Variants in SIK3 observed in about 807,000 individuals in gnomAD.
SIK3 encodes SIK family kinase 3.
Under a neutral mutation model 144.2 loss-of-function variants are expected in SIK3, and 28 were observed. The observed-to-expected ratio is 0.19, with a 90% confidence interval of 0.14 to 0.27. The LOEUF is 0.27. Among genes scored for constraint, SIK3 ranks in the 10% least tolerant of loss-of-function variants. The pLI is 1.00. For synonymous variants in SIK3, 686 were observed against 676.3 expected (o/e 1.01, Z -0.22); for missense variants, 1,319 against 1,776.0 (o/e 0.74, Z 4.62).
In SIK3 at chr11:117,097,995, G is replaced by T. The variant is rs915274879; in HGVS notation, c.273+148C>A. 56 of 1,101,486 alleles carry T rather than the reference G, an allele frequency of 5.1e-5. No homozygotes were observed. The African/African-American group carries it at 8.5e-4, about 17-fold the overall frequency. The allele number at this position is 1,101,486 out of a possible 1,614,324, so 68.2% of individuals were successfully genotyped here. On this transcript the variant is annotated intron_variant, in intron 1 of 24. Transcript: ENST00000445177. Reference sequence around the variant, plus strand: ...CCCAGGTGTCCCTAGCTCCGCGCCCGCCCCGCCGCGGCTGGCTCCCTCCCG... The same window carrying T: ...CCCAGGTGTCCCTAGCTCCGCGCCCTCCCCGCCGCGGCTGGCTCCCTCCCG...
intron 1 of SIK3, among the ~76,000 whole-genome samples, chr11:116,993,081 C>T (rs539563858): frequency 6.6e-6 from 1 of 152,222 alleles, no homozygotes; most frequent in African/African-American, 2.4e-5. Context: ...TAAACAGAGT[C>T]TCACTATGTT....
chr11:116,876,504 C>T (rs1039074315), intron 7 of SIK3, 141 bp from the exon 8 acceptor site: 1 of 706,738 alleles, frequency 1.4e-6, no homozygotes, highest in African/African-American at 1.8e-5. Flanking sequence ...GAAGAGAGCC[C>T]TGAGTGATCA....
At chr11:116,897,463 A>C in intron 4 of SIK3, 146 bp from the exon 5 acceptor site, 1 of 689,534 alleles carries the variant, frequency 1.5e-6, no homozygotes, top group Non-Finnish European at 2.4e-6. Flanking sequence ...ATAGCCAGAC[A>C]CTTAAAACAA....
intron 1 of SIK3, among the ~76,000 whole-genome samples, chr11:117,021,812 A>C (rs753465197): frequency 6.6e-6 from 1 of 151,650 alleles, no homozygotes; most frequent in Non-Finnish European, 1.5e-5. Context: ...GAATAAAATA[A>C]AATAAATCTG....
chr11:117,073,384 TCTA>T (rs1452834599), intron 1 of SIK3, among the ~76,000 whole-genome samples: 1 of 152,184 alleles, frequency 6.6e-6, no homozygotes, highest in African/African-American at 2.4e-5. Context: ...TGATTAGAAT[TCTA>T]CTGTCCAATT....
intron 1 of SIK3, among the ~76,000 whole-genome samples, chr11:116,974,396 A>G (rs1324854985): frequency 1.3e-5 from 2 of 152,136 alleles, no homozygotes; most frequent in Non-Finnish European, 2.9e-5. Context: ...CATATAAAGA[A>G]CACTTTGGAA....
At chr11:116,972,752 G>C (rs2135473944) in intron 1 of SIK3, among the ~76,000 whole-genome samples, 1 of 152,154 alleles carries the variant, frequency 6.6e-6, no homozygotes, top group Middle Eastern at 3.4e-3. Context: ...TATTCTGTGT[G>C]ACAAACAGAC....
At chr11:116,984,511 C>A (rs1950260538) in intron 1 of SIK3, among the ~76,000 whole-genome samples, 1 of 152,154 alleles carries the variant, frequency 6.6e-6, no homozygotes, top group Admixed American at 6.5e-5. Context: ...TAGCAGATGT[C>A]AGAATTTGCT....
At chr11:116,963,545 A>G (rs1949422126) in intron 1 of SIK3, among the ~76,000 whole-genome samples, 1 of 152,234 alleles carries the variant, frequency 6.6e-6, no homozygotes. Flanking sequence ...ACTATGAATG[A>G]AAAGTGAAAA....
chr11:117,086,469 A>T (rs1192553597), intron 1 of SIK3, among the ~76,000 whole-genome samples: 1 of 152,156 alleles, frequency 6.6e-6, no homozygotes, highest in African/African-American at 2.4e-5. Flanking sequence ...AGGCGAGTGG[A>T]TCACGAGGTA....
chr11:117,048,731 C>G (rs932103549), intron 1 of SIK3, among the ~76,000 whole-genome samples: 1 of 152,022 alleles, frequency 6.6e-6, no homozygotes, highest in Admixed American at 6.6e-5. Flanking sequence ...AAGGTCTATG[C>G]GGTACATATC....
chr11:117,063,425 T>A (rs1953886237), intron 1 of SIK3, among the ~76,000 whole-genome samples: 1 of 152,160 alleles, frequency 6.6e-6, no homozygotes, highest in Non-Finnish European at 1.5e-5. Context: ...CTCTGCCCAA[T>A]GTAAAGTCAG....
intron 1 of SIK3, among the ~76,000 whole-genome samples, chr11:116,974,237 G>GT (rs1256320103): frequency 6.6e-6 from 1 of 152,136 alleles, no homozygotes; most frequent in Non-Finnish European, 1.5e-5. Flanking sequence ...GTCTTAAATT[G>GT]TTTTGTTAGG....
At chr11:117,076,666 C>T (rs1040399959) in intron 1 of SIK3, among the ~76,000 whole-genome samples, 1 of 152,188 alleles carries the variant, frequency 6.6e-6, no homozygotes, top group Admixed American at 6.5e-5. Flanking sequence ...GCTGGGATTA[C>T]AGGCACCCGC....
chr11:116,918,127 T>G (rs962961066), intron 4 of SIK3, among the ~76,000 whole-genome samples: 15 of 152,232 alleles, frequency 9.9e-5, no homozygotes, highest in African/African-American at 3.6e-4. Context: ...ACATCGTACA[T>G]GTTATGATAC....
intron 1 of SIK3, among the ~76,000 whole-genome samples, chr11:116,993,142 C>T (rs1361950085): frequency 6.6e-6 from 1 of 152,174 alleles, no homozygotes; most frequent in African/African-American, 2.4e-5. Flanking sequence ...CCACATCAGC[C>T]TCCCAAAGTG....
chr11:116,947,871 C>T (rs916007851), intron 3 of SIK3, among the ~76,000 whole-genome samples: 10 of 149,682 alleles, frequency 6.7e-5, no homozygotes, highest in Admixed American at 2.0e-4. Flanking sequence ...GCCTCTATTT[C>T]TTCTTAAGTC....
At position 116,896,476 on chromosome 11, in the gene SIK3, G is replaced by T. The variant is rs113966257; in HGVS notation, c.742-100C>A. 1.1e-4 allele frequency: 143 copies of T among 1,300,552 alleles called. 1 individual carries two copies. In the African/African-American group the frequency reaches 1.8e-3, roughly 17 times the overall value. 80.6% of individuals were successfully genotyped at this position (1,300,552 alleles called of 1,614,324 possible). ...GCAGATGATGGTGAGTCATGCATAC[G>T]ATTATGGAACAAACTTTTTCTTCCA... is the stretch of plus-strand genomic sequence containing the variant. On this transcript the variant is annotated intron_variant, in intron 5 of 24. Transcript: ENST00000445177.
At chr11:117,031,763 G>A (rs1051360035) in intron 1 of SIK3, among the ~76,000 whole-genome samples, 4 of 136,994 alleles carry the variant, frequency 2.9e-5, no homozygotes, top group Non-Finnish European at 6.0e-5. Flanking sequence ...GGCTGGTTTC[G>A]AATGCCTGAC....
Sources: gnomAD v4.1 joint callset for allele counts (sites outside exome capture counted in the v4.1 genomes callset) on GRCh38, gnomAD v4.1.1 for gene constraint, MANE v1.5 for transcripts, NCBI Gene and HGNC (gene_info 2026-07-23, HGNC 2026-07-21) for gene names.